The following ANK3 variants were observed in gnomAD, a reference collection of about 807,000 sequenced individuals.
ANK3 encodes ankyrin-3.
In ANK3, 57 loss-of-function variants were observed where a neutral mutation model predicts 370.9. The observed-to-expected ratio is 0.15, with a 90% CI of 0.12 to 0.19. The LOEUF is 0.19. Among genes scored for constraint, ANK3 ranks in the 10% least tolerant of loss-of-function variants. The pLI is 1.00. For synonymous variants in ANK3, 1,929 were observed against 1,946.3 expected, an observed-to-expected ratio of 0.99 and a Z score of 0.23; for missense variants, 4,439 against 5,302.1, an observed-to-expected ratio of 0.84 and a Z score of 5.06.
At chr10:60,120,620 GA>G (rs112020509) in intron 25 of ANK3, among the ~76,000 whole-genome samples, 51,525 of 149,930 alleles carry the variant, frequency 0.34, 9,062 homozygotes, top group Non-Finnish European at 0.39. Flanking sequence ...ACTCTCTAAG[GA>G]AAAAAAAAAT....
intron 15 of ANK3, 89 bp from the exon 16 acceptor site, chr10:60,196,332 G>A (rs1184828209): frequency 1.4e-5 from 17 of 1,188,710 alleles, no homozygotes; most frequent in Middle Eastern, 3.8e-4. Context: ...GATTGGATAC[G>A]ACATAGGGCA....
At chr10:60,177,595 T>TTTTTTC (rs2096008197) in intron 18 of ANK3, among the ~76,000 whole-genome samples, 1 of 137,612 alleles carries the variant, frequency 7.3e-6, no homozygotes, top group Non-Finnish European at 1.6e-5. Context: ...CTTCAAATCT[T>TTTTTTC]TTTTTTTTTT....
rs1408465378 is a variant in ANK3 at position 60,279,038 on chromosome 10, T to G, written c.315+12A>C. ...CGAGTGGTTCAAAAAGCATTAAATA[T>G]GTGATACTGACCTTTGTAGCTGCAT... On this transcript the variant is annotated intron_variant, in intron 3 of 43. Coordinates refer to ENST00000280772, the MANE Select transcript of ANK3 (RefSeq NM_020987.5). The G allele has an allele frequency of 6.2e-7, 1 of 1,613,132 alleles. No individual in the cohort carries two copies. The highest frequency in any genetic ancestry group is 1.3e-5 in the African/African-American group (1 of 74,908).
In ANK3 at chr10:60,252,632, A is replaced by G. The variant is rs373283812; in HGVS notation, c.798+9227T>C. Among the ~76,000 whole-genome samples the G allele has an allele frequency of 7.2e-5, 11 of 152,304 alleles. No homozygotes were observed. The East Asian group carries it at 1.5e-3, about 21-fold the overall frequency. The stretch of plus-strand genomic sequence containing the variant: ...AAAAGTGAAAAACCTTCCAATTTCC[A>G]TGATTTCTTTTATTGGCTCTCTTAT... On this transcript the variant is annotated intron_variant, in intron 7 of 43. Transcript: ENST00000280772.
intron 1 of ANK3, among the ~76,000 whole-genome samples, chr10:60,703,868 C>T (rs2079577185): frequency 1.3e-5 from 2 of 152,152 alleles, no homozygotes; most frequent in Non-Finnish European, 2.9e-5. Flanking sequence ...CCAATGAACA[C>T]CTCCAGGTGT....
chr10:60,525,882 T>G (rs1417389122), intron 2 of ANK3, among the ~76,000 whole-genome samples: 6 of 152,056 alleles, frequency 3.9e-5, no homozygotes, highest in Non-Finnish European at 8.8e-5. Context: ...ATGTGAAAGC[T>G]CTAACATTAT....
chr10:60,290,827 T>C (rs145974785), intron 1 of ANK3, among the ~76,000 whole-genome samples: 142 of 152,262 alleles, frequency 9.3e-4, no homozygotes, highest in African/African-American at 3.2e-3. Context: ...CCCAACTTTA[T>C]CTTTAAATAG....
intron 2 of ANK3, among the ~76,000 whole-genome samples, chr10:60,548,299 C>T (rs937931516): frequency 1.3e-5 from 2 of 149,474 alleles, no homozygotes; most frequent in East Asian, 1.9e-4. Context: ...GCAACTTCTG[C>T]CTCCCAGGTT....
At chr10:60,585,188 T>C (rs1007843898) in intron 2 of ANK3, among the ~76,000 whole-genome samples, 8 of 152,336 alleles carry the variant, frequency 5.3e-5, no homozygotes, top group African/African-American at 1.9e-4. Flanking sequence ...AAATTGATGC[T>C]GCATGCTGGA....
chr10:60,309,948 CA>C (rs1312839371), intron 1 of ANK3, among the ~76,000 whole-genome samples: 1 of 137,366 alleles, frequency 7.3e-6, no homozygotes, highest in East Asian at 2.1e-4. Context: ...TGTTTTGAGA[CA>C]GGATCTCACT....
Position 60,134,306 on chromosome 10 carries a change from T to A in ANK3, c.2806A>T (p.Met936Leu). The A allele has an allele frequency of 6.2e-7, 1 of 1,613,956 alleles. No homozygotes were observed. The highest frequency in any genetic ancestry group is 8.5e-7 in the Non-Finnish European group (1 of 1,179,914). ...NRSSYARDSM[M>L]IEELLVPSKE... ...GATGGCACAAGGAGTTCTTCAATCA[T>A]CATGCTGTCCCGTGCATAGGAGCTT... The change falls in exon 25 of 44, where the codon ATG becomes TTG. Residue 936 changes from methionine (M) to leucine (L), a missense_variant. This residue lies in a region of ANK3 where 702 missense variants were observed against 941.5 expected (regional missense o/e 0.75). Coordinates refer to ENST00000280772, the MANE Select transcript of ANK3 (RefSeq NM_020987.5).
rs749819494 is a variant in ANK3, at chr10:60,074,561, G to C, written c.6320C>G (p.Thr2107Ser). ...KMADSFFGTDTILESPDDFSQ... is the reference protein window; with the variant it reads ...KMADSFFGTDSILESPDDFSQ... ...AAAGTCATCAGGAGACTCTAAAATA[G>C]TATCTGTTCCAAAAAAGGAATCAGC... is the stretch of plus-strand genomic sequence containing the variant. The change falls in exon 37 of 44, where the codon ACT (threonine) becomes AGT (serine). Residue 2107 changes from threonine (T) to serine (S), a missense_variant. Physicochemically the swap from Thr to Ser is moderately conservative, Grantham distance 58 (BLOSUM62 1). Coordinates refer to ENST00000280772, the MANE Select transcript of ANK3 (RefSeq NM_020987.5). 12 of 1,613,930 alleles carry C rather than the reference G, an allele frequency of 7.4e-6. No homozygotes were observed. The highest frequency in any genetic ancestry group is 1.0e-5 in the Non-Finnish European group (12 of 1,179,998).
rs7914412 is a variant in ANK3 at position 60,621,772 on chromosome 10, C to A, written c.58-6548G>T. On this transcript the variant is annotated intron_variant, in intron 1 of 43. Coordinates refer to the ANK3 transcript ENST00000373827. The stretch of plus-strand genomic sequence containing the variant: ...CAATATAATGAGGCTCTGTAAAGAA[C>A]AAAGACAAATACTACCACTATGGAT... Among the ~76,000 whole-genome samples, 563 of 152,086 alleles carry A rather than the reference C, an allele frequency of 3.7e-3. 3 individuals carry two copies. Among genetic ancestry groups the A allele is most frequent in the African/African-American group, 0.013 (538 of 41,488 alleles).
chr10:60,521,012 A>G (rs2076334665), intron 2 of ANK3, among the ~76,000 whole-genome samples: 1 of 152,038 alleles, frequency 6.6e-6, no homozygotes, highest in South Asian at 2.1e-4. Flanking sequence ...CCAACCAGCC[A>G]TTATAATCTA....
At chr10:60,243,465 G>A (rs939650790) in intron 7 of ANK3, among the ~76,000 whole-genome samples, 3 of 152,048 alleles carry the variant, frequency 2.0e-5, no homozygotes, top group Admixed American at 6.6e-5. Flanking sequence ...GATGTCCTCC[G>A]CCATCTTGAC....
At chr10:60,340,391 G>A (rs934349808) in intron 1 of ANK3, among the ~76,000 whole-genome samples, 1 of 151,910 alleles carries the variant, frequency 6.6e-6, no homozygotes, top group African/African-American at 2.4e-5. Flanking sequence ...TATATATCCA[G>A]GGCCAGCTAA....
chr10:60,465,360 T>C (rs1045588054), intron 2 of ANK3, among the ~76,000 whole-genome samples: 1 of 152,174 alleles, frequency 6.6e-6, no homozygotes, highest in African/African-American at 2.4e-5. Context: ...ACGTCAACTA[T>C]AAAAATTCCC....
At chr10:60,452,430 C>G (rs1222554813) in intron 2 of ANK3, among the ~76,000 whole-genome samples, 2 of 152,238 alleles carry the variant, frequency 1.3e-5, no homozygotes, top group African/African-American at 4.8e-5. Context: ...AGCCTCCGCA[C>G]TGAGAAACTG....
intron 2 of ANK3, among the ~76,000 whole-genome samples, chr10:60,506,818 C>T (rs1173194174): frequency 6.6e-6 from 1 of 152,016 alleles, no homozygotes; most frequent in Non-Finnish European, 1.5e-5. Context: ...TCTCTCAAGG[C>T]CTCATCTTGA....
Sources: gnomAD v4.1 joint callset for allele counts (sites outside exome capture counted in the v4.1 genomes callset) on GRCh38, gnomAD v4.1.1 for gene constraint, gnomAD v4.1.1 regional missense constraint, MANE v1.5 for transcripts, NCBI Gene and HGNC (gene_info 2026-07-23, HGNC 2026-07-21) for gene names.